Variants in HHIPL1 observed in about 807,000 individuals in gnomAD.
The protein encoded by HHIPL1 is HHIP-like protein 1.
A neutral mutation model predicts 61.8 loss-of-function variants in HHIPL1; 43 were observed. The ratio of observed to expected loss-of-function variants is 0.70; its 90% CI spans 0.55 to 0.90. The LOEUF is 0.90. Ranked by LOEUF, HHIPL1 falls within the 40% of genes least tolerant of loss-of-function variation. The probability of loss-of-function intolerance (pLI) is 0.00; values close to 1 mark genes in which losing one functional copy is unlikely to be tolerated. For synonymous variants in HHIPL1, 482 were observed against 515.8 expected (o/e 0.93, Z 0.89); for missense variants, 1,056 against 1,157.7 (o/e 0.91, Z 1.28).
At chr14:99,613,485 C>T in the HHIPL1 span, among the ~76,000 whole-genome samples, 5 of 151,662 alleles carry the variant, frequency 3.3e-5, no homozygotes, top group African/African-American at 7.3e-5. Flanking sequence ...ACCCACATCC[C>T]GCTAGTTTTT....
the HHIPL1 span, among the ~76,000 whole-genome samples, chr14:99,612,845 G>A: frequency 2.6e-5 from 4 of 152,270 alleles, no homozygotes; most frequent in South Asian, 4.2e-4. Flanking sequence ...GCCTCTGGAC[G>A]GCTCACGTCC....
rs375473578 is a variant in HHIPL1 at position 99,652,274 on chromosome 14, G to A, written c.306G>A (p.Thr102=). The A allele has an allele frequency of 1.6e-5, 26 of 1,613,330 alleles. No homozygotes were observed. The highest frequency in any genetic ancestry group is 4.5e-5 in the East Asian group (2 of 44,884). The change falls in exon 2 of 9, where the codon ACG becomes ACA. Residue 102 remains threonine, a synonymous_variant. Coordinates refer to ENST00000330710, the MANE Select transcript of HHIPL1 (RefSeq NM_001127258.3). ...TCTATGACGCCGAGGACCCATTCACGCCCCTGCGCACGGTGCCCGGGCTCT... is the reference window on the plus strand; with the variant it reads ...TCTATGACGCCGAGGACCCATTCACACCCCTGCGCACGGTGCCCGGGCTCT... ...AHLYDAEDPF[T]PLRTVPGLCQ...
chr14:99,668,877 C>T lies in HHIPL1; in HGVS notation c.1730+574C>T, dbSNP rs1001950051. ...TGCCCGGCTATGTCCCAGCTCCTTC[C>T]GTGTGCAGCTCATTGACGTCTCAGC... On this transcript the variant is annotated intron_variant, in intron 7 of 8. Transcript: ENST00000330710. The surrounding 1 kb of genome is among the most constrained non-coding windows in gnomAD (Gnocchi z 4.7). 8 of 1,613,776 alleles carry T rather than the reference C, an allele frequency of 5.0e-6. No homozygotes were observed. Among genetic ancestry groups the T allele is most frequent in the African/African-American group, 4.0e-5 (3 of 75,066 alleles).
the HHIPL1 span, among the ~76,000 whole-genome samples, chr14:99,607,807 A>G: frequency 6.6e-6 from 1 of 152,184 alleles, no homozygotes; most frequent in Non-Finnish European, 1.5e-5. Context: ...GAGGAAAAAC[A>G]GAGCCCCAGA....
At chr14:99,609,310 G>A in the HHIPL1 span, among the ~76,000 whole-genome samples, 4 of 152,314 alleles carry the variant, frequency 2.6e-5, no homozygotes, top group East Asian at 5.8e-4. Context: ...TAAGCACTTG[G>A]CAGAGCTCTT....
intron 2 of HHIPL1, among the ~76,000 whole-genome samples, chr14:99,653,410 G>A (rs984054620): frequency 2.0e-5 from 3 of 152,204 alleles, no homozygotes; most frequent in African/African-American, 7.2e-5. Flanking sequence ...GCAGCTCACT[G>A]CAACCTCCGC....
chr14:99,631,766 G>A, the HHIPL1 span, among the ~76,000 whole-genome samples: 1 of 152,122 alleles, frequency 6.6e-6, no homozygotes, highest in South Asian at 2.1e-4. Context: ...ACATGTGTGC[G>A]CCACCATGCC....
At chr14:99,659,274 G>A (rs2056100480) in intron 3 of HHIPL1, among the ~76,000 whole-genome samples, 154 bp from the exon 4 acceptor site, 1 of 152,206 alleles carries the variant, frequency 6.6e-6, no homozygotes, top group Non-Finnish European at 1.5e-5. Context: ...AAGTAGTTAA[G>A]GCGGACAGCA....
chr14:99,646,917 G>A (rs543850974), intron 1 of HHIPL1, among the ~76,000 whole-genome samples: 1 of 151,912 alleles, frequency 6.6e-6, no homozygotes, highest in South Asian at 2.1e-4. Flanking sequence ...CCCCCTGGGT[G>A]GCCATGCAGA....
the HHIPL1 span, among the ~76,000 whole-genome samples, chr14:99,628,299 GC>G: frequency 6.6e-6 from 1 of 152,160 alleles, no homozygotes; most frequent in African/African-American, 2.4e-5. Flanking sequence ...AACACCAACA[GC>G]CGGGGGCGGT....
chr14:99,612,852 G>A, the HHIPL1 span, among the ~76,000 whole-genome samples: 2 of 152,146 alleles, frequency 1.3e-5, no homozygotes, highest in African/African-American at 2.4e-5. Flanking sequence ...GACGGCTCAC[G>A]TCCCAGGCCT....
At chr14:99,627,376 C>T in the HHIPL1 span, among the ~76,000 whole-genome samples, 1 of 152,184 alleles carries the variant, frequency 6.6e-6, no homozygotes, top group Non-Finnish European at 1.5e-5. The surrounding 1 kb of genome is among the most constrained non-coding windows in gnomAD (Gnocchi z 4.4). Flanking sequence ...ATCCGTCCAT[C>T]CAACCATCCA....
the HHIPL1 span, among the ~76,000 whole-genome samples, chr14:99,631,910 GC>G: frequency 6.6e-6 from 1 of 152,202 alleles, no homozygotes. Flanking sequence ...CTAAGCCCAT[GC>G]CCCAGACATC....
At chr14:99,630,638 G>A in the HHIPL1 span, among the ~76,000 whole-genome samples, 2 of 152,348 alleles carry the variant, frequency 1.3e-5, no homozygotes, top group East Asian at 3.9e-4. Context: ...CACCGCCGAA[G>A]GCCGCTGCCA....
chr14:99,675,731 G>A lies in HHIPL1; in HGVS notation c.*105G>A, dbSNP rs937653774. The A allele has an allele frequency of 2.0e-5, 24 of 1,187,682 alleles. No individual in the cohort carries two copies. The Middle Eastern group carries it at 8.4e-4, about 42-fold the overall frequency. 73.6% of individuals were successfully genotyped at this position (1,187,682 alleles called of 1,614,324 possible). ...GTGCACACGTGTTCTAGAGTGAAGG[G>A]GGTGCGGGTGTGTGCTGTCCTGGGG... On this transcript the variant is annotated 3_prime_UTR_variant, in exon 9 of 9. Coordinates refer to ENST00000330710, the MANE Select transcript of HHIPL1 (RefSeq NM_001127258.3). The surrounding 1 kb of genome is among the most constrained non-coding windows in gnomAD (Gnocchi z 5.4).
intron 7 of HHIPL1, among the ~76,000 whole-genome samples, chr14:99,671,792 G>C (rs939530202): frequency 6.6e-6 from 1 of 152,116 alleles, no homozygotes. Context: ...CACAAGGCTT[G>C]CTTTCCTTAC....
At chr14:99,631,543 C>T in the HHIPL1 span, among the ~76,000 whole-genome samples, 4 of 152,262 alleles carry the variant, frequency 2.6e-5, no homozygotes, top group Middle Eastern at 6.8e-3. Context: ...CTTGTGTGGA[C>T]ACTGGGTACA....
chr14:99,651,678 A>T (rs979700577), intron 1 of HHIPL1, among the ~76,000 whole-genome samples: 3 of 152,112 alleles, frequency 2.0e-5, no homozygotes, highest in Non-Finnish European at 4.4e-5. Context: ...GTATCAGGAG[A>T]TGGAAGGTAG....
chr14:99,625,098 G>C, the HHIPL1 span: 2 of 152,260 alleles, frequency 1.3e-5, no homozygotes, highest in East Asian at 3.9e-4. Flanking sequence ...GGGTTCCCTT[G>C]GGAGGCCAGG....
Sources: allele counts gnomAD v4.1 joint callset (sites outside exome capture counted in the v4.1 genomes callset), GRCh38; gene constraint gnomAD v4.1.1; non-coding constraint Gnocchi (gnomAD v3.1); transcripts MANE v1.5; gene names NCBI Gene and HGNC (gene_info 2026-07-23, HGNC 2026-07-21).